Variants in DNM3 observed in about 807,000 individuals in gnomAD.
DNM3 encodes the protein dynamin-3.
DNM3 carries 47 observed loss-of-function variants against 101.6 expected under a neutral mutation model. The ratio of observed to expected loss-of-function variants is 0.46; its 90% CI spans 0.37 to 0.59. The LOEUF is 0.59. Among genes scored for constraint, DNM3 ranks in the 20% least tolerant of loss-of-function variants. The pLI, the probability that DNM3 is intolerant of heterozygous loss-of-function variation, is 0.00. For synonymous variants in DNM3, 385 were observed against 387.9 expected, an observed-to-expected ratio of 0.99 and a Z score of 0.09; for missense variants, 849 against 1,085.7, an observed-to-expected ratio of 0.78 and a Z score of 3.06.
At chr1:172,236,664 AGAG>A (rs1345233372) in intron 14 of DNM3, among the ~76,000 whole-genome samples, 1 of 152,088 alleles carries the variant, frequency 6.6e-6, no homozygotes, top group Non-Finnish European at 1.5e-5. Context: ...AGAGGGAGGA[AGAG>A]GAGAATACAT....
intron 4 of DNM3, among the ~76,000 whole-genome samples, chr1:172,007,420 G>A (rs1448471923): frequency 6.6e-6 from 1 of 152,016 alleles, no homozygotes; most frequent in Non-Finnish European, 1.5e-5. Flanking sequence ...GTCCTTATAG[G>A]CCGTTTGTAT....
chr1:171,976,665 G>A (rs1329270924), intron 2 of DNM3, among the ~76,000 whole-genome samples: 2 of 152,114 alleles, frequency 1.3e-5, no homozygotes, highest in Admixed American at 6.6e-5. Context: ...ACACACTAAA[G>A]ATCTCCTTCA....
At chr1:171,870,351 A>G (rs1367257634) in intron 1 of DNM3, among the ~76,000 whole-genome samples, 2 of 152,166 alleles carry the variant, frequency 1.3e-5, no homozygotes, top group Non-Finnish European at 2.9e-5. Flanking sequence ...ATGCAGTTAT[A>G]TAGTCATTGT....
chr1:172,134,175 G>A (rs1327730469), intron 14 of DNM3, among the ~76,000 whole-genome samples: 1 of 152,126 alleles, frequency 6.6e-6, no homozygotes, highest in African/African-American at 2.4e-5. Context: ...GAGCACTTAA[G>A]TTCAAGGTAG....
At chr1:171,954,984 T>C (rs2125471159) in intron 2 of DNM3, among the ~76,000 whole-genome samples, 1 of 152,366 alleles carries the variant, frequency 6.6e-6, no homozygotes, top group East Asian at 1.9e-4. Context: ...AGAGAAGTTC[T>C]GTTGGAATTA....
At chr1:172,229,044 A>G (rs2148598199) in intron 14 of DNM3, among the ~76,000 whole-genome samples, 1 of 152,212 alleles carries the variant, frequency 6.6e-6, no homozygotes, top group South Asian at 2.1e-4. Flanking sequence ...TCTATATGCT[A>G]TTTCCATGAA....
intron 2 of DNM3, among the ~76,000 whole-genome samples, chr1:171,946,318 G>T (rs192755637): frequency 1.2e-4 from 18 of 152,140 alleles, no homozygotes; most frequent in African/African-American, 4.1e-4. Flanking sequence ...ACTCAAAGGG[G>T]TGGTTAGAAT....
intron 13 of DNM3, among the ~76,000 whole-genome samples, chr1:172,125,236 G>T (rs1362522102): frequency 6.6e-6 from 1 of 152,086 alleles, no homozygotes; most frequent in African/African-American, 2.4e-5. Context: ...AAAGACAGCT[G>T]CATAGCTGAA....
intron 13 of DNM3, 65 bp from the exon 14 acceptor site, chr1:172,131,110 A>G: frequency 7.2e-7 from 1 of 1,391,694 alleles, no homozygotes. Context: ...TCTTAGTCCA[A>G]GACATCTAAT....
chr1:172,235,038 G>C (rs2061484588), intron 14 of DNM3, among the ~76,000 whole-genome samples: 2 of 152,160 alleles, frequency 1.3e-5, no homozygotes, highest in African/African-American at 2.4e-5. Flanking sequence ...CACAGCAAAA[G>C]AAACTACCAT....
intron 1 of DNM3, among the ~76,000 whole-genome samples, chr1:171,910,407 A>G (rs2039199156): frequency 6.6e-6 from 1 of 152,220 alleles, no homozygotes. Flanking sequence ...CTCTTTGTCT[A>G]GCATATCCAC....
intron 14 of DNM3, among the ~76,000 whole-genome samples, chr1:172,218,372 T>C (rs1163144833): frequency 6.6e-6 from 1 of 152,132 alleles, no homozygotes; most frequent in Non-Finnish European, 1.5e-5. Flanking sequence ...AATTTTGTTC[T>C]TTGTTACACT....
At chr1:171,977,794 G>C (rs2044488389) in intron 2 of DNM3, among the ~76,000 whole-genome samples, 2 of 152,080 alleles carry the variant, frequency 1.3e-5, no homozygotes, top group African/African-American at 4.8e-5. Flanking sequence ...TCTGCCCAAG[G>C]CTCCTTTTTG....
intron 20 of DNM3, among the ~76,000 whole-genome samples, chr1:172,402,567 C>T (rs1029319): frequency 0.11 from 16,759 of 152,110 alleles, 3,085 homozygotes; most frequent in African/African-American, 0.38. Flanking sequence ...AATTTGGGTC[C>T]ACCTAACTAC....
intron 2 of DNM3, among the ~76,000 whole-genome samples, chr1:171,985,336 T>A (rs887532627): frequency 1.3e-5 from 2 of 152,246 alleles, no homozygotes; most frequent in African/African-American, 4.8e-5. Context: ...TCGTATTGTT[T>A]TGTCCTCTAC....
At chr1:172,242,276 A>G (rs894950555) in intron 14 of DNM3, among the ~76,000 whole-genome samples, 5 of 151,558 alleles carry the variant, frequency 3.3e-5, no homozygotes, top group African/African-American at 1.2e-4. Flanking sequence ...CTTTCACTAA[A>G]CTCTCTGGTT....
chr1:171,909,957 C>A (rs926683727), intron 1 of DNM3, among the ~76,000 whole-genome samples: 5 of 152,048 alleles, frequency 3.3e-5, no homozygotes, highest in African/African-American at 1.2e-4. Context: ...ACTCTGGATG[C>A]CAGGGGGTTC....
chr1:172,306,632 C>A (rs572466676), intron 15 of DNM3, among the ~76,000 whole-genome samples: 1 of 152,294 alleles, frequency 6.6e-6, no homozygotes, highest in East Asian at 1.9e-4. Flanking sequence ...TCAAACTATA[C>A]TACAAGGCTA....
rs147903830 is a variant in DNM3, at chr1:172,074,790, C to T, written c.1422+5885C>T. 7.3e-3 allele frequency among the ~76,000 whole-genome samples: 1,111 copies of T among 152,270 alleles called. 19 individuals are homozygous for T. Among genetic ancestry groups the T allele is most frequent in the African/African-American group, 0.025 (1,049 of 41,536 alleles). On this transcript the variant is annotated intron_variant, in intron 11 of 20. Coordinates refer to ENST00000627582, the MANE Select transcript of DNM3 (RefSeq NM_015569.5). ...GCAATAAACATGCGTGTACATGTGTCTTTGTAGTAGAATGATTTATAATCC... is the reference window on the plus strand; with the variant it reads ...GCAATAAACATGCGTGTACATGTGTTTTTGTAGTAGAATGATTTATAATCC...
Sources: allele counts gnomAD v4.1 joint callset (sites outside exome capture counted in the v4.1 genomes callset), GRCh38; gene constraint gnomAD v4.1.1; transcripts MANE v1.5; gene names NCBI Gene and HGNC (gene_info 2026-07-23, HGNC 2026-07-21).